The following MAP3K2 variants were observed in gnomAD, a reference collection of about 807,000 sequenced individuals.
MAP3K2 encodes the protein MAP/ERK kinase kinase 2.
A neutral mutation model predicts 80.3 loss-of-function variants in MAP3K2; 24 were observed. The ratio of observed to expected loss-of-function variants is 0.30; its 90% confidence interval spans 0.22 to 0.42. MAP3K2 has a LOEUF of 0.42. Among genes scored for constraint, MAP3K2 ranks in the 10% least tolerant of loss-of-function variants. MAP3K2 has a pLI of 1.00. For synonymous variants in MAP3K2, 244 were observed against 253.7 expected, an observed-to-expected ratio of 0.96 and a Z score of 0.36; for missense variants, 608 against 750.1, an observed-to-expected ratio of 0.81 and a Z score of 2.21.
chr2:127,378,161 T>C (rs2104898745), intron 1 of MAP3K2: 9 of 984,568 alleles, frequency 9.1e-6, no homozygotes, highest in Non-Finnish European at 9.6e-6. Flanking sequence ...TCTAAAAAAC[T>C]ACACATCCTC....
rs143219830 is a variant in MAP3K2 at position 127,342,388 on chromosome 2, G to GGGGTGGGTGT, written c.4+737_4+738insACACCCACCC. Among the ~76,000 whole-genome samples the GGGGTGGGTGT allele has an allele frequency of 2.8e-3, 411 of 147,852 alleles. 1 individual carries two copies. The highest frequency in any genetic ancestry group is 9.6e-3 in the African/African-American group (383 of 39,752). On this transcript the variant is annotated intron_variant, in intron 2 of 16. Transcript: ENST00000682094. ...TGGGCAAATATAAGTTCTTCATGAG[G>GGGGTGGGTGT]GTGTGTGTGTGTGTGTGTGTGTGTG...
intron 1 of MAP3K2, among the ~76,000 whole-genome samples, chr2:127,351,929 C>T (rs1375869217): frequency 5.3e-5 from 8 of 151,502 alleles, no homozygotes; most frequent in East Asian, 3.9e-4. Context: ...CAGGCTAGAG[C>T]GCAGTGGCAC....
intron 1 of MAP3K2, among the ~76,000 whole-genome samples, chr2:127,363,586 C>T (rs1011670627): frequency 7.9e-5 from 12 of 152,200 alleles, no homozygotes; most frequent in African/African-American, 2.4e-4. Flanking sequence ...AACACAAAAA[C>T]CCAAGACTAG....
chr2:127,332,677 C>A (rs1003642250), intron 5 of MAP3K2, among the ~76,000 whole-genome samples: 3 of 152,150 alleles, frequency 2.0e-5, no homozygotes, highest in Non-Finnish European at 4.4e-5. Context: ...AATCTATCAC[C>A]CTCTGGCTTA....
At chr2:127,369,468 TAAAAAAAAAAAA>T (rs70985451) in intron 1 of MAP3K2, among the ~76,000 whole-genome samples, 5 of 32,726 alleles carry the variant, frequency 1.5e-4, no homozygotes, top group African/African-American at 5.9e-4. Context: ...CCGTCTCTAC[TAAAAAAAAAAAA>T]AAAAAAAAAA....
At chr2:127,325,459 G>T (rs1413474292) in intron 9 of MAP3K2, among the ~76,000 whole-genome samples, 1 of 152,164 alleles carries the variant, frequency 6.6e-6, no homozygotes, top group African/African-American at 2.4e-5. Flanking sequence ...CAGGAGGTTC[G>T]CTTGAGCCCA....
intron 1 of MAP3K2, among the ~76,000 whole-genome samples, chr2:127,380,127 C>A (rs960798837): frequency 3.9e-5 from 6 of 152,166 alleles, no homozygotes; most frequent in African/African-American, 1.4e-4. Context: ...AGTAATCTTA[C>A]AGCACTGCAA....
At chr2:127,327,161 A>G (rs183079548) in intron 7 of MAP3K2, among the ~76,000 whole-genome samples, 1 of 152,210 alleles carries the variant, frequency 6.6e-6, no homozygotes, top group East Asian at 1.9e-4. Flanking sequence ...AACCCACTCT[A>G]TTTTACTTGG....
At chr2:127,354,207 C>T (rs1029093412) in intron 1 of MAP3K2, among the ~76,000 whole-genome samples, 21 of 148,778 alleles carry the variant, frequency 1.4e-4, no homozygotes, top group Non-Finnish European at 2.8e-4. Context: ...CTGCCAAATA[C>T]CCCTCTGCGA....
At chr2:127,369,166 G>C (rs1687020150) in intron 1 of MAP3K2, among the ~76,000 whole-genome samples, 1 of 150,766 alleles carries the variant, frequency 6.6e-6, no homozygotes, top group South Asian at 2.1e-4. Context: ...TGGCCAGGCT[G>C]GTCTTGAACT....
chr2:127,319,201 G>A (rs937157648), intron 12 of MAP3K2, among the ~76,000 whole-genome samples: 7 of 140,506 alleles, frequency 5.0e-5, no homozygotes, highest in African/African-American at 1.6e-4. Context: ...CTGCATTACA[G>A]TTAAAGACCC....
chr2:127,380,530 T>A (rs1574010500), intron 1 of MAP3K2, among the ~76,000 whole-genome samples: 1 of 152,148 alleles, frequency 6.6e-6, no homozygotes, highest in East Asian at 1.9e-4. Context: ...AGAAAACCAG[T>A]AAGCTAGTGA....
chr2:127,339,942 G>A lies in MAP3K2; in HGVS notation c.5-892C>T, dbSNP rs531693015. Reference sequence around the variant, plus strand: ...TTGGTGAGCAGTAACTTATGTTCTTGGAGTAGTAAAAATTAAAACATGCCA... The same window carrying A: ...TTGGTGAGCAGTAACTTATGTTCTTAGAGTAGTAAAAATTAAAACATGCCA... On this transcript the variant is annotated intron_variant, in intron 2 of 16. Transcript: ENST00000682094. The surrounding 1 kb of genome is among the most constrained non-coding windows in gnomAD (Gnocchi z 4.2). Among the ~76,000 whole-genome samples, 2 of 152,190 alleles carry A rather than the reference G, an allele frequency of 1.3e-5. No individual in the cohort carries two copies. Among genetic ancestry groups the A allele is most frequent in the African/African-American group, 4.8e-5 (2 of 41,510 alleles).
rs765850504 is a variant in MAP3K2 at position 127,322,208 on chromosome 2, A to C, written c.883T>G (p.Leu295Val). 6.2e-7 allele frequency: 1 copy of C among 1,613,892 alleles called. No homozygotes were observed. Among genetic ancestry groups the C allele is most frequent in the Non-Finnish European group, 8.5e-7 (1 of 1,179,868 alleles). ...PRARRTQGTS[L>V]RSPVSFSPTD... is the part of the protein sequence containing the mutation. ...GGACTGAAACTCACAGGAGACCGTA[A>C]GCTGGTCCCCTGGGTCCTTCTAGCT... is the stretch of plus-strand genomic sequence containing the variant. Residue 295 changes from leucine to valine, a missense_variant, in exon 12 of 17, where the codon TTA becomes GTA. Leu to Val is a conservative substitution (Grantham distance 32). Transcript: ENST00000682094. This position sits in a 1 kb window ranked among gnomAD's most constrained non-coding sequence, Gnocchi z 4.2.
intron 12 of MAP3K2, among the ~76,000 whole-genome samples, chr2:127,319,650 CAAAAAAAAAAAAA>C (rs57472022): frequency 5.6e-5 from 4 of 71,828 alleles, no homozygotes; most frequent in South Asian, 6.3e-4. Context: ...ACTAAAAATA[CAAAAAAAAAAAAA>C]AAAAAAAAAA....
In MAP3K2 at chr2:127,318,329, C is replaced by T; in HGVS notation, c.1046-12G>A. On this transcript the variant is annotated splice_polypyrimidine_tract_variant and intron_variant, in intron 12 of 16. Coordinates refer to ENST00000682094, the MANE Select transcript of MAP3K2 (RefSeq NM_001371910.2). ...CGGAGCTCGAGGTGCTGAAAAAGAA[C>T]ACTTTCTTAAAGTGAAATATCAAAC... 1 of 1,566,952 alleles carries T rather than the reference C, an allele frequency of 6.4e-7. No individual in the cohort carries two copies. The highest frequency in any genetic ancestry group is 8.6e-7 in the Non-Finnish European group (1 of 1,159,868).
intron 1 of MAP3K2, 67 bp from the exon 2 acceptor site, chr2:127,343,261 A>G (rs1181602991): frequency 6.0e-6 from 4 of 666,662 alleles, no homozygotes; most frequent in Non-Finnish European, 2.6e-6. Context: ...AAAAGAAAAA[A>G]AAAAGTCAGT....
At chr2:127,317,478 G>A in intron 14 of MAP3K2, 151 bp downstream of exon 14, 1 of 563,890 alleles carries the variant, frequency 1.8e-6, no homozygotes, top group Non-Finnish European at 2.9e-6. Flanking sequence ...AGAGGAAGAG[G>A]ATAGAAAATA....
chr2:127,357,935 G>A (rs1183320111), intron 1 of MAP3K2, among the ~76,000 whole-genome samples: 6 of 151,834 alleles, frequency 4.0e-5, no homozygotes, highest in Non-Finnish European at 8.8e-5. Context: ...CTTTTGAAGA[G>A]CAAAAGTACA....
Sources: allele counts gnomAD v4.1 joint callset (sites outside exome capture counted in the v4.1 genomes callset), GRCh38; gene constraint gnomAD v4.1.1; non-coding constraint Gnocchi (gnomAD v3.1); transcripts MANE v1.5; gene names NCBI Gene and HGNC (gene_info 2026-07-23, HGNC 2026-07-21).